The following TMEM132D variants were observed in gnomAD, a reference collection of about 807,000 sequenced individuals.
The protein encoded by TMEM132D is transmembrane protein 132D.
Under a neutral mutation model 62.3 loss-of-function variants are expected in TMEM132D, and 21 were observed. The ratio of observed to expected loss-of-function variants is 0.34; its 90% confidence interval spans 0.24 to 0.49. The LOEUF (loss-of-function observed/expected upper bound fraction) is 0.49, where lower values mean the gene tolerates loss of function less well. Ranked by LOEUF, TMEM132D falls within the 20% of genes least tolerant of loss-of-function variation. TMEM132D has a pLI of 0.99. For synonymous variants in TMEM132D, 621 were observed against 575.6 expected (o/e 1.08, Z -1.13); for missense variants, 1,346 against 1,402.8 (o/e 0.96, Z 0.65).
chr12:129,873,459 A>G (rs1874321051), intron 1 of TMEM132D, among the ~76,000 whole-genome samples: 1 of 152,218 alleles, frequency 6.6e-6, no homozygotes, highest in Non-Finnish European at 1.5e-5. Context: ...ATAAAAACAA[A>G]CAATAGGAAT....
chr12:129,582,564 G>C (rs1877901095), intron 2 of TMEM132D, among the ~76,000 whole-genome samples: 1 of 152,048 alleles, frequency 6.6e-6, no homozygotes. Context: ...CTAGTGTTGA[G>C]AACTTAGGTA....
At chr12:129,560,399 T>C (rs1167311241) in intron 2 of TMEM132D, among the ~76,000 whole-genome samples, 1 of 151,832 alleles carries the variant, frequency 6.6e-6, no homozygotes, top group Non-Finnish European at 1.5e-5. Context: ...CCCGAGTAGC[T>C]GGGATCACAG....
chr12:129,826,903 G>A (rs1415695680), intron 1 of TMEM132D, among the ~76,000 whole-genome samples: 3 of 152,220 alleles, frequency 2.0e-5, no homozygotes, highest in Non-Finnish European at 4.4e-5. Flanking sequence ...TGACCTAGTT[G>A]TGAAAGAAAA....
chr12:129,171,165 C>T (rs1040473694), intron 5 of TMEM132D, among the ~76,000 whole-genome samples: 12 of 152,228 alleles, frequency 7.9e-5, no homozygotes, highest in Non-Finnish European at 1.0e-4. Flanking sequence ...GTCATTTCAA[C>T]GACGTTCACA....
rs888615645 is a variant in TMEM132D at position 129,802,221 on chromosome 12, C to T, written c.79+101040G>A. Among the ~76,000 whole-genome samples, 169 of 148,002 alleles carry T rather than the reference C, an allele frequency of 1.1e-3. 3 individuals are homozygous for T. The highest frequency in any genetic ancestry group is 2.7e-4 in the Admixed American group (4 of 14,740). ...AGATACTCCTCGAGAAGAGCAACTC[C>T]AAGACACATAATTGTCAGATTCACC... On this transcript the variant is annotated intron_variant, in intron 1 of 8. Coordinates refer to ENST00000422113, the MANE Select transcript of TMEM132D (RefSeq NM_133448.3).
chr12:129,387,340 C>T (rs77697470), intron 3 of TMEM132D, among the ~76,000 whole-genome samples: 17,206 of 152,024 alleles, frequency 0.11, 1,323 homozygotes, highest in African/African-American at 0.22. Flanking sequence ...CTGACACTAA[C>T]GCTAATACTA....
chr12:129,545,803 C>T (rs1257332768), intron 2 of TMEM132D, among the ~76,000 whole-genome samples: 1 of 152,222 alleles, frequency 6.6e-6, no homozygotes, highest in Non-Finnish European at 1.5e-5. Flanking sequence ...GGGAACAAAA[C>T]TAAATGTTCA....
intron 4 of TMEM132D, among the ~76,000 whole-genome samples, chr12:129,330,646 C>T (rs146940646): frequency 9.2e-5 from 14 of 152,304 alleles, no homozygotes; most frequent in East Asian, 1.9e-4. Context: ...TACTCTGCCC[C>T]GCTCCATGCG....
intron 1 of TMEM132D, among the ~76,000 whole-genome samples, chr12:129,787,764 G>A (rs2137296027): frequency 6.6e-6 from 1 of 152,312 alleles, no homozygotes. Context: ...GAGTGGGCAT[G>A]AGGACCACAC....
chr12:129,520,375 A>G (rs10773672), intron 3 of TMEM132D, among the ~76,000 whole-genome samples: 146,790 of 152,308 alleles, frequency 0.96, 70,946 homozygotes, highest in East Asian at 1. Flanking sequence ...AAAAAGCCCC[A>G]GAACTGGCTG....
At chr12:129,607,861 AG>A (rs1288929991) in intron 2 of TMEM132D, among the ~76,000 whole-genome samples, 38 of 152,314 alleles carry the variant, frequency 2.5e-4, no homozygotes, top group African/African-American at 8.4e-4. Flanking sequence ...GCATAAATCC[AG>A]CTTTTAATTC....
intron 4 of TMEM132D, among the ~76,000 whole-genome samples, chr12:129,289,114 G>A (rs549579949): frequency 6.6e-6 from 1 of 152,236 alleles, no homozygotes; most frequent in East Asian, 1.9e-4. Context: ...CGGGGGGAAT[G>A]GGTAGATGTT....
chr12:129,485,033 G>A (rs552965215), intron 3 of TMEM132D, among the ~76,000 whole-genome samples: 1 of 151,930 alleles, frequency 6.6e-6, no homozygotes, highest in South Asian at 2.2e-4. Flanking sequence ...CAGGTGCCCA[G>A]GCCTGTTAAG....
chr12:129,078,521 C>A lies in TMEM132D; in HGVS notation c.2115+13G>T, dbSNP rs1565956203. ...GGACCCTGCTGAAGTGTGTCTCAAG[C>A]CCTCCTCCATACCTGTTTTGGCCTC... On this transcript the variant is annotated intron_variant, in intron 8 of 8. Coordinates refer to ENST00000422113, the MANE Select transcript of TMEM132D (RefSeq NM_133448.3). 1 of 1,609,584 alleles carries A rather than the reference C, an allele frequency of 6.2e-7. No individual in the cohort carries two copies. Among genetic ancestry groups the A allele is most frequent in the South Asian group, 1.1e-5 (1 of 90,746 alleles).
chr12:129,115,642 T>C (rs1188608703), intron 5 of TMEM132D, among the ~76,000 whole-genome samples: 1 of 152,176 alleles, frequency 6.6e-6, no homozygotes, highest in East Asian at 1.9e-4. Context: ...AGGACAGGGA[T>C]TGTGAGTCAG....
At chr12:129,417,077 A>G (rs1872145327) in intron 3 of TMEM132D, among the ~76,000 whole-genome samples, 1 of 152,172 alleles carries the variant, frequency 6.6e-6, no homozygotes, top group Admixed American at 6.5e-5. Context: ...TGAGTTAAGG[A>G]GGAGTCCCTC....
chr12:129,243,352 A>C (rs931372579), intron 4 of TMEM132D, among the ~76,000 whole-genome samples: 6 of 152,144 alleles, frequency 3.9e-5, no homozygotes, highest in African/African-American at 1.2e-4. Flanking sequence ...ATTTATGAAC[A>C]AGTCTATTAT....
chr12:129,269,996 G>A (rs987215468), intron 4 of TMEM132D, among the ~76,000 whole-genome samples: 2 of 152,130 alleles, frequency 1.3e-5, no homozygotes, highest in Non-Finnish European at 2.9e-5. Context: ...AGGCAGAACA[G>A]AATGGGAAAA....
intron 1 of TMEM132D, among the ~76,000 whole-genome samples, chr12:129,807,659 C>A (rs1233336246): frequency 2.6e-5 from 4 of 152,178 alleles, no homozygotes; most frequent in African/African-American, 9.6e-5. Context: ...TCTTCCGACT[C>A]TCCTTGTCTT....
Sources: allele counts gnomAD v4.1 joint callset (sites outside exome capture counted in the v4.1 genomes callset), GRCh38; gene constraint gnomAD v4.1.1; transcripts MANE v1.5; gene names NCBI Gene and HGNC (gene_info 2026-07-23, HGNC 2026-07-21).